IMMP2L: variants seen among roughly 807,000 people sequenced by gnomAD.
IMMP2L encodes the protein inner mitochondrial membrane peptidase subunit 2, also known as mitochondrial inner membrane protease subunit 2.
Under a neutral mutation model 19.3 loss-of-function variants are expected in IMMP2L, and 18 were observed. That is an observed-to-expected ratio of 0.93 (90% CI 0.64 to 1.38). The LOEUF (loss-of-function observed/expected upper bound fraction) is 1.38, where lower values mean the gene tolerates loss of function less well. Among genes scored for constraint, IMMP2L ranks in the 40% most tolerant of loss-of-function variants. IMMP2L has a pLI of 0.00. For missense variants in IMMP2L, 233 were observed against 218.2 expected, an observed-to-expected ratio of 1.07 and a Z score of -0.43; for synonymous variants, 76 against 73.0, an observed-to-expected ratio of 1.04 and a Z score of -0.21.
chr7:111,104,709 G>C (rs1029521839), intron 3 of IMMP2L, among the ~76,000 whole-genome samples: 2 of 151,740 alleles, frequency 1.3e-5, no homozygotes, highest in African/African-American at 4.8e-5. Context: ...AAGTGTGAAG[G>C]ACTTGTCACA....
In IMMP2L at chr7:110,824,568, A is replaced by G. The variant is rs755222527; in HGVS notation, c.408+62025T>C. ...ATTTTGGTAAAGATGGGTTCTCCCT[A>G]TGTTGCCCAGGCTGGGCTCAAACTC... On this transcript the variant is annotated intron_variant, in intron 5 of 5. Coordinates refer to ENST00000405709, the MANE Select transcript of IMMP2L (RefSeq NM_032549.4). 2.0e-5 allele frequency among the ~76,000 whole-genome samples: 3 copies of G among 151,978 alleles called. No homozygotes were observed. The East Asian group carries it at 5.8e-4, about 29-fold the overall frequency.
intron 5 of IMMP2L, among the ~76,000 whole-genome samples, chr7:110,858,460 A>T (rs1807033662): frequency 6.6e-6 from 1 of 152,098 alleles, no homozygotes; most frequent in Non-Finnish European, 1.5e-5. Flanking sequence ...ACCACGTACC[A>T]GTTTGAAATC....
chr7:110,909,266 C>A lies in IMMP2L; in HGVS notation c.306-22571G>T, dbSNP rs192443106. 2.0e-4 allele frequency among the ~76,000 whole-genome samples: 30 copies of A among 152,142 alleles called. No individual in the cohort carries two copies. In the East Asian group the frequency reaches 4.6e-3, roughly 24 times the overall value. Reference sequence around the variant, plus strand: ...TGCTGGAAGAACAAAGGATCTTAGTCCAGTGGTATTATTTAATCAATTGGT... The same window carrying A: ...TGCTGGAAGAACAAAGGATCTTAGTACAGTGGTATTATTTAATCAATTGGT... On this transcript the variant is annotated intron_variant, in intron 4 of 5. Coordinates refer to ENST00000405709, the MANE Select transcript of IMMP2L (RefSeq NM_032549.4).
At chr7:111,540,691 G>T (rs1341099389) in intron 1 of IMMP2L, among the ~76,000 whole-genome samples, 1 of 152,064 alleles carries the variant, frequency 6.6e-6, no homozygotes, top group East Asian at 1.9e-4. Context: ...GTATACATAG[G>T]TCATGTCTCA....
At position 111,281,147 on chromosome 7, in the gene IMMP2L, AC is replaced by A. The variant is rs1418906198; in HGVS notation, c.239+206090del. On this transcript the variant is annotated intron_variant, in intron 3 of 5. Transcript: ENST00000405709. The stretch of plus-strand genomic sequence containing the variant: ...GAGAGAAAGAGAGAAAGACAGAAAG[AC>A]AGAAAGACAGAAAGAAAGAAAGAAA... Among the ~76,000 whole-genome samples, 269 of 53,458 alleles carry A rather than the reference AC, an allele frequency of 5.0e-3. 3 individuals carry two copies. Among genetic ancestry groups the A allele is most frequent in the Admixed American group, 0.013 (63 of 4,752 alleles). 35.1% of individuals were successfully genotyped at this position (53,458 alleles called of 152,430 possible).
At chr7:110,888,640 A>G (rs758511785) in intron 4 of IMMP2L, among the ~76,000 whole-genome samples, 25 of 152,212 alleles carry the variant, frequency 1.6e-4, no homozygotes, top group Non-Finnish European at 7.4e-5. Context: ...AGAAAGCAAC[A>G]GCATCATAAA....
At chr7:110,848,268 C>T (rs1287961716) in intron 5 of IMMP2L, among the ~76,000 whole-genome samples, 1 of 151,926 alleles carries the variant, frequency 6.6e-6, no homozygotes, top group Non-Finnish European at 1.5e-5. Flanking sequence ...GACAACTCAC[C>T]AAAGAAAAAA....
intron 5 of IMMP2L, among the ~76,000 whole-genome samples, chr7:110,762,532 C>T (rs1798411927): frequency 6.6e-6 from 1 of 152,124 alleles, no homozygotes; most frequent in African/African-American, 2.4e-5. Context: ...TTCTCCAAGT[C>T]ACCTTTGCTT....
At chr7:110,884,716 T>A (rs1392223516) in intron 5 of IMMP2L, among the ~76,000 whole-genome samples, 1 of 152,134 alleles carries the variant, frequency 6.6e-6, no homozygotes, top group Non-Finnish European at 1.5e-5. Context: ...GAGACACTTC[T>A]ATACTGTAAG....
intron 5 of IMMP2L, among the ~76,000 whole-genome samples, chr7:110,737,833 A>C (rs1306723518): frequency 6.6e-6 from 1 of 152,198 alleles, no homozygotes; most frequent in East Asian, 1.9e-4. Context: ...CCCCGAGAGC[A>C]GGTGCTGGTA....
chr7:111,065,732 G>A lies in IMMP2L; in HGVS notation c.240-102167C>T, dbSNP rs114175651. ...TCGGACTCCAAGTTCTCCTGTTCTC[G>A]AACATTGGACTCCAAGTTCTTCAGC... On this transcript the variant is annotated intron_variant, in intron 3 of 5. Transcript: ENST00000405709. Among the ~76,000 whole-genome samples the A allele has an allele frequency of 5.6e-3, 853 of 152,228 alleles. 14 individuals carry two copies. The highest frequency in any genetic ancestry group is 0.02 in the African/African-American group (816 of 41,524).
intron 5 of IMMP2L, among the ~76,000 whole-genome samples, chr7:110,696,750 T>A (rs1793918141): frequency 6.6e-6 from 1 of 152,020 alleles, no homozygotes; most frequent in Non-Finnish European, 1.5e-5. Context: ...TTCTGTGGTA[T>A]GAGAGTAAAG....
At chr7:111,475,843 T>C (rs1200788903) in intron 3 of IMMP2L, among the ~76,000 whole-genome samples, 1 of 152,138 alleles carries the variant, frequency 6.6e-6, no homozygotes, top group Admixed American at 6.6e-5. Flanking sequence ...TCTTTATAAG[T>C]ATATATTCAT....
intron 5 of IMMP2L, among the ~76,000 whole-genome samples, chr7:110,674,937 G>C (rs1250731452): frequency 1.3e-5 from 2 of 152,210 alleles, no homozygotes; most frequent in African/African-American, 4.8e-5. Context: ...ACCCAATTCA[G>C]TCCTGACTCT....
At chr7:110,929,672 G>A (rs1358841868) in intron 4 of IMMP2L, among the ~76,000 whole-genome samples, 1 of 152,102 alleles carries the variant, frequency 6.6e-6, no homozygotes. Context: ...ATTCAACAAG[G>A]TACTCAACAT....
Position 111,217,122 on chromosome 7 carries a change from TCTCTCACA to T in IMMP2L, c.240-253565_240-253558del, listed in dbSNP as rs1483101123. Among the ~76,000 whole-genome samples, 911 of 140,432 alleles carry T rather than the reference TCTCTCACA, an allele frequency of 6.5e-3. 8 individuals are homozygous for T. Among genetic ancestry groups the T allele is most frequent in the Non-Finnish European group, 0.01 (679 of 65,200 alleles). The allele number at this position is 140,432 out of a possible 152,430, so 92.1% of individuals were successfully genotyped here. On this transcript the variant is annotated intron_variant, in intron 3 of 5. Coordinates refer to ENST00000405709, the MANE Select transcript of IMMP2L (RefSeq NM_032549.4). ...GTCTCTCTCTCTCTCTCTCTCTCTC[TCTCTCACA>T]CACACACACACACACACACACACAC...
At chr7:110,845,812 G>T (rs1360802948) in intron 5 of IMMP2L, among the ~76,000 whole-genome samples, 1 of 150,986 alleles carries the variant, frequency 6.6e-6, no homozygotes, top group East Asian at 1.9e-4. Context: ...GAGGTAATTA[G>T]GTCATGAGAG....
chr7:111,333,291 C>T (rs1377951512), intron 3 of IMMP2L, among the ~76,000 whole-genome samples: 1 of 152,054 alleles, frequency 6.6e-6, no homozygotes, highest in African/African-American at 2.4e-5. Flanking sequence ...AAAATATCTT[C>T]ATTTTATTTC....
intron 3 of IMMP2L, among the ~76,000 whole-genome samples, chr7:111,454,728 T>G (rs1200946340): frequency 6.6e-6 from 1 of 151,872 alleles, no homozygotes; most frequent in Non-Finnish European, 1.5e-5. Context: ...GTTTTAAAGC[T>G]TTTTTTTAAG....
Sources: allele counts gnomAD v4.1 joint callset (sites outside exome capture counted in the v4.1 genomes callset), GRCh38; gene constraint gnomAD v4.1.1; transcripts MANE v1.5; gene names NCBI Gene and HGNC (gene_info 2026-07-23, HGNC 2026-07-21).